WNK3: variants seen among roughly 807,000 people sequenced by gnomAD.
WNK3 encodes serine/threonine-protein kinase WNK3.
Under a neutral mutation model 116.7 loss-of-function variants are expected in WNK3, and 18 were observed. The observed-to-expected ratio is 0.15, with a 90% CI of 0.11 to 0.23. The LOEUF (loss-of-function observed/expected upper bound fraction) is 0.23. WNK3 is among the 10% of genes least tolerant of loss of function. The pLI, the probability that WNK3 is intolerant of heterozygous loss-of-function variation, is 1.00. For missense variants in WNK3, 993 were observed against 1,323.8 expected (o/e 0.75, Z 3.88); for synonymous variants, 404 against 469.4 (o/e 0.86, Z 1.80).
At position 54,249,418 on chromosome X, in the gene WNK3, G is replaced by C. The variant is rs782542794; in HGVS notation, c.2930C>G (p.Ser977Cys). 5 of 1,209,693 alleles carry C rather than the reference G, an allele frequency of 4.1e-6. No individual in the cohort carries two copies. In the African/African-American group the frequency reaches 8.7e-5, roughly 21 times the overall value. ...ACGAACTGAAGTAGTAGAGTAACTG[G>C]AACTATTAGTAACTGGTGCCATTAT... Residue 977 changes from serine (S) to cysteine (C), a missense_variant, in exon 17 of 24, where the codon TCC becomes TGC. This residue lies in a region of WNK3 where 836 missense variants were observed against 976.5 expected (regional missense o/e 0.86). Coordinates refer to ENST00000354646, the Ensembl canonical transcript of WNK3.
chrX:54,300,681 C>A (rs782524346), intron 6 of WNK3, among the ~76,000 whole-genome samples: 1 of 111,645 alleles, frequency 9.0e-6, no homozygotes, highest in East Asian at 2.8e-4. Context: ...AGAATCCAAA[C>A]TAAAATAGCT....
rs188841894 is a variant in WNK3 at position 54,313,601 on chromosome X, C to G, written c.538-2310G>C. On this transcript the variant is annotated intron_variant, in intron 2 of 23. Coordinates refer to ENST00000354646, the Ensembl canonical transcript of WNK3. ...CTGACCTCAGGTGATCCACCTGCCT[C>G]GGCCTCCCAAAGTGCTGGGATTACA... is the stretch of plus-strand genomic sequence containing the variant. Among the ~76,000 whole-genome samples the G allele has an allele frequency of 8.6e-4, 95 of 110,121 alleles. 1 individual carries two copies. The highest frequency in any genetic ancestry group is 3.0e-3 in the African/African-American group (92 of 30,319).
intron 17 of WNK3, among the ~76,000 whole-genome samples, chrX:54,247,672 G>A (rs2146922295): frequency 9.1e-6 from 1 of 110,381 alleles, no homozygotes; most frequent in African/African-American, 3.3e-5. Context: ...CTATGTACAA[G>A]TATATATTAT....
chrX:54,283,141 C>T (rs2068536951), intron 10 of WNK3, among the ~76,000 whole-genome samples: 1 of 111,483 alleles, frequency 9.0e-6, no homozygotes, highest in Admixed American at 9.5e-5. Context: ...AAAAGATACC[C>T]AATTAAAAAC....
At chrX:54,210,247 C>G (rs1269497169) in intron 22 of WNK3, among the ~76,000 whole-genome samples, 1 of 111,828 alleles carries the variant, frequency 8.9e-6, no homozygotes, top group Non-Finnish European at 1.9e-5. Flanking sequence ...GTGAACTTGG[C>G]CTCCATGAGT....
chrX:54,278,292 T>A (rs2147054476), intron 10 of WNK3, among the ~76,000 whole-genome samples: 1 of 110,119 alleles, frequency 9.1e-6, no homozygotes, highest in East Asian at 2.8e-4. Flanking sequence ...ATAGTCAAGA[T>A]GTCAATTTTC....
At chrX:54,234,600 G>T (rs2067940622) in intron 20 of WNK3, among the ~76,000 whole-genome samples, 1 of 111,705 alleles carries the variant, frequency 9.0e-6, no homozygotes, top group African/African-American at 3.3e-5. Context: ...GCTAAGGCAG[G>T]CGGATCACGA....
chrX:54,319,682 C>T (rs1557171731), intron 2 of WNK3, among the ~76,000 whole-genome samples: 1 of 112,466 alleles, frequency 8.9e-6, no homozygotes, highest in Non-Finnish European at 1.9e-5. Flanking sequence ...CAAAACTCCA[C>T]TTCACATTTA....
At chrX:54,312,098 G>A (rs1437612267) in intron 2 of WNK3, among the ~76,000 whole-genome samples, 3 of 110,728 alleles carry the variant, frequency 2.7e-5, no homozygotes, top group Admixed American at 1.9e-4. Flanking sequence ...GGTGGGAGGA[G>A]CACCTGAGCC....
chrX:54,338,794 G>A (rs1557175922), intron 1 of WNK3, among the ~76,000 whole-genome samples: 1 of 108,558 alleles, frequency 9.2e-6, no homozygotes, highest in Non-Finnish European at 1.9e-5. Context: ...CTGAGGTCAG[G>A]AGTTTGAGAC....
chrX:54,195,510 C>G (rs996682230), exon 24 of WNK3: 2 of 111,168 alleles, frequency 1.8e-5, no homozygotes, highest in Admixed American at 9.6e-5. Flanking sequence ...AATGCAAAAG[C>G]CCTGGATAGA....
chrX:54,228,368 A>G (rs938564893), intron 22 of WNK3, among the ~76,000 whole-genome samples: 2 of 112,229 alleles, frequency 1.8e-5, no homozygotes, highest in Admixed American at 9.5e-5. Flanking sequence ...CAAAAACATT[A>G]TAAGTAAAAG....
intron 10 of WNK3, among the ~76,000 whole-genome samples, chrX:54,280,443 GGAAA>G (rs1557162110): frequency 2.1e-4 from 24 of 111,755 alleles, no homozygotes; most frequent in Admixed American, 6.7e-4. Flanking sequence ...AGGATATAAT[GGAAA>G]CTCACAAAAA....
At chrX:54,271,152 G>T (rs1557159219) in intron 10 of WNK3, among the ~76,000 whole-genome samples, 3 of 111,319 alleles carry the variant, frequency 2.7e-5, no homozygotes, top group East Asian at 5.6e-4. Context: ...CATACCCAAA[G>T]AATTCTGAAA....
chrX:54,337,964 G>T (rs1557175739), intron 1 of WNK3, among the ~76,000 whole-genome samples: 1 of 110,412 alleles, frequency 9.1e-6, no homozygotes, highest in African/African-American at 3.3e-5. Flanking sequence ...ACTCCAGGAG[G>T]CTGAGGCAGG....
At chrX:54,309,643 A>G (rs2068863874) in intron 3 of WNK3, among the ~76,000 whole-genome samples, 1 of 110,648 alleles carries the variant, frequency 9.0e-6, no homozygotes, top group Non-Finnish European at 1.9e-5. Flanking sequence ...TGTGATTCTC[A>G]TGCCTCAGCC....
At chrX:54,249,222 T>A (rs782505507) in exon 17 of WNK3, 8 of 1,211,749 alleles carry the variant, frequency 6.6e-6, no homozygotes, top group Non-Finnish European at 8.9e-6. Flanking sequence ...CTGATAAGGT[T>A]TGAGGCTTTT....
At position 54,245,479 on chromosome X, in the gene WNK3, C is replaced by A. The variant is rs926801283; in HGVS notation, c.3651+3218G>T. On this transcript the variant is annotated intron_variant, in intron 17 of 23. Coordinates refer to ENST00000354646, the Ensembl canonical transcript of WNK3. ...TCCAGCCTGGGTAATGGAGTGAGAC[C>A]CTGTCTCAAAAACACACACACACAT... is the stretch of plus-strand genomic sequence containing the variant. 2.7e-5 allele frequency among the ~76,000 whole-genome samples: 3 copies of A among 109,489 alleles called. No individual in the cohort carries two copies. The East Asian group carries it at 8.6e-4, about 31-fold the overall frequency.
intron 18 of WNK3, 38 bp downstream of exon 18, chrX:54,238,830 T>A (rs1277459688): frequency 1.0e-6 from 1 of 998,068 alleles, no homozygotes; most frequent in African/African-American, 1.9e-5. Context: ...TGAAAAGTGA[T>A]GTTACCTAGT....
Sources: gnomAD v4.1 joint callset for allele counts (sites outside exome capture counted in the v4.1 genomes callset) on GRCh38, gnomAD v4.1.1 for gene constraint, gnomAD v4.1.1 regional missense constraint, MANE v1.5 for transcripts, NCBI Gene and HGNC (gene_info 2026-07-23, HGNC 2026-07-21) for gene names.